CHM: variants seen among roughly 807,000 people sequenced by gnomAD.
The protein encoded by CHM is CHM Rab escort protein.
Under a neutral mutation model 49.0 loss-of-function variants are expected in CHM, and 10 were observed. The observed-to-expected ratio is 0.20, with a 90% CI of 0.13 to 0.35. The LOEUF is 0.35. Among genes scored for constraint, CHM ranks in the 10% least tolerant of loss-of-function variants. The pLI, the probability that CHM is intolerant of heterozygous loss-of-function variation, is 1.00. For missense variants in CHM, 455 were observed against 478.4 expected (o/e 0.95, Z 0.46); for synonymous variants, 184 against 167.5 (o/e 1.10, Z -0.76).
intron 2 of CHM, among the ~76,000 whole-genome samples, chrX:86,006,903 A>G (rs1932869392): frequency 8.9e-6 from 1 of 111,924 alleles, no homozygotes; most frequent in African/African-American, 3.2e-5. Context: ...GAATTGGAAA[A>G]AAGTACTTTA....
chrX:85,941,095 C>T (rs775721646), intron 8 of CHM, among the ~76,000 whole-genome samples: 19 of 111,454 alleles, frequency 1.7e-4, no homozygotes, highest in African/African-American at 5.9e-4. Flanking sequence ...AGAATAGATG[C>T]TTTAAAAAGT....
chrX:86,036,040 G>T (rs1242801129), intron 1 of CHM, among the ~76,000 whole-genome samples: 1 of 110,131 alleles, frequency 9.1e-6, no homozygotes, highest in African/African-American at 3.3e-5. Context: ...TGATCCGCCC[G>T]CCTCGGCCTC....
intron 2 of CHM, among the ~76,000 whole-genome samples, chrX:86,007,599 T>C (rs964213675): frequency 8.9e-6 from 1 of 112,123 alleles, no homozygotes; most frequent in Admixed American, 9.4e-5. Flanking sequence ...GGGCAAAGGA[T>C]ATTAGTAGAC....
At chrX:86,026,105 T>C (rs1442496992) in intron 2 of CHM, among the ~76,000 whole-genome samples, 1 of 41,006 alleles carries the variant, frequency 2.4e-5, no homozygotes, top group Non-Finnish European at 3.7e-5. Context: ...AGATTTTCTT[T>C]TTTTTTTTTT....
chrX:85,954,495 T>A (rs1010577700), intron 8 of CHM, among the ~76,000 whole-genome samples: 2 of 111,712 alleles, frequency 1.8e-5, no homozygotes, highest in African/African-American at 6.5e-5. Context: ...GCAGCACTGT[T>A]CACAATAACC....
At chrX:85,871,128 T>C (rs766291424) in intron 14 of CHM, among the ~76,000 whole-genome samples, 190 of 105,717 alleles carry the variant, frequency 1.8e-3, no homozygotes, top group African/African-American at 6.3e-3. Context: ...CTGGCTAACA[T>C]GGTGAAACCC....
intron 14 of CHM, among the ~76,000 whole-genome samples, chrX:85,870,423 C>T (rs1346445180): frequency 8.9e-6 from 1 of 112,164 alleles, no homozygotes; most frequent in African/African-American, 3.2e-5. Context: ...TATCAAACGT[C>T]GTAAGTGACT....
At chrX:86,032,098 T>C (rs7888186) in intron 1 of CHM, among the ~76,000 whole-genome samples, 2 of 112,108 alleles carry the variant, frequency 1.8e-5, no homozygotes, top group Admixed American at 1.9e-4. Flanking sequence ...ATTCAATGCT[T>C]AAAAAAGTGA....
intron 9 of CHM, among the ~76,000 whole-genome samples, chrX:85,909,153 C>A (rs1299638363): frequency 9.0e-6 from 1 of 111,511 alleles, no homozygotes; most frequent in African/African-American, 3.3e-5. Context: ...GGCTACACAA[C>A]CTTTACTCAT....
chrX:85,941,795 A>G (rs5968721), intron 8 of CHM, among the ~76,000 whole-genome samples: 18,986 of 110,890 alleles, frequency 0.17, 1,551 homozygotes, highest in Middle Eastern at 0.25. Flanking sequence ...TTAGATTACT[A>G]AATCTAGCTA....
intron 8 of CHM, among the ~76,000 whole-genome samples, chrX:85,912,071 A>G (rs866758354): frequency 9.1e-6 from 1 of 110,218 alleles, no homozygotes; most frequent in African/African-American, 3.3e-5. Flanking sequence ...AAAAAAACCC[A>G]TTTTTCTTTG....
chrX:85,928,105 G>C (rs1928196543), intron 8 of CHM, among the ~76,000 whole-genome samples: 1 of 112,247 alleles, frequency 8.9e-6, no homozygotes, highest in Admixed American at 9.5e-5. Context: ...TGTATAACAA[G>C]AAAGAAGACA....
chrX:85,879,416 A>G (rs1287493098), intron 12 of CHM, among the ~76,000 whole-genome samples: 3 of 112,211 alleles, frequency 2.7e-5, no homozygotes, highest in Non-Finnish European at 5.6e-5. Flanking sequence ...CCATTTATAC[A>G]TGTTTTGCTG....
chrX:85,862,310 G>T lies in CHM; in HGVS notation c.*2320C>A, dbSNP rs917220079. On this transcript the variant is annotated 3_prime_UTR_variant, in exon 15 of 15. Transcript: ENST00000357749. ...GTCTGTTTACATGAATGTGCATGCTGCATTCAAGCGGCTTTAACTCTAAGA... is the reference window on the plus strand; with the variant it reads ...GTCTGTTTACATGAATGTGCATGCTTCATTCAAGCGGCTTTAACTCTAAGA... The T allele has an allele frequency of 1.8e-5, 2 of 112,340 alleles. No homozygotes were observed. Among genetic ancestry groups the T allele is most frequent in the African/African-American group, 6.5e-5 (2 of 30,872 alleles). The allele number at this position is 112,340 out of a possible 1,213,427, so 9.3% of individuals were successfully genotyped here.
At chrX:85,908,531 T>G (rs957186601) in intron 9 of CHM, among the ~76,000 whole-genome samples, 3 of 112,062 alleles carry the variant, frequency 2.7e-5, no homozygotes, top group African/African-American at 9.7e-5. Context: ...CTTAAAACTT[T>G]TAAAGATCAC....
intron 3 of CHM, among the ~76,000 whole-genome samples, chrX:85,980,302 T>C (rs1931522523): frequency 8.9e-6 from 1 of 111,928 alleles, no homozygotes; most frequent in African/African-American, 3.2e-5. Flanking sequence ...CATGAATATT[T>C]AAGCACAGAC....
chrX:85,884,117 G>GA (rs888929649), intron 12 of CHM, among the ~76,000 whole-genome samples: 2 of 110,332 alleles, frequency 1.8e-5, no homozygotes, highest in African/African-American at 3.3e-5. Flanking sequence ...TGAACTCTGT[G>GA]AAAAAAAATA....
At chrX:85,903,789 A>C in intron 9 of CHM, 1 of 335,156 alleles carries the variant, frequency 3.0e-6, no homozygotes, top group Admixed American at 3.2e-5. Flanking sequence ...GAGAAAAATC[A>C]AGGGCTATTG....
chrX:85,988,705 A>C (rs1470883564), intron 2 of CHM, among the ~76,000 whole-genome samples: 2 of 111,679 alleles, frequency 1.8e-5, no homozygotes, highest in African/African-American at 6.5e-5. Context: ...ATGCATCGAT[A>C]ATAGGCAAGC....
Sources: allele counts gnomAD v4.1 joint callset (sites outside exome capture counted in the v4.1 genomes callset), GRCh38; gene constraint gnomAD v4.1.1; transcripts MANE v1.5; gene names NCBI Gene and HGNC (gene_info 2026-07-23, HGNC 2026-07-21).